GALNT9: variants seen among roughly 807,000 people sequenced by gnomAD.
The protein encoded by GALNT9 is GalNAc transferase 9.
A neutral mutation model predicts 63.1 loss-of-function variants in GALNT9; 47 were observed. The ratio of observed to expected loss-of-function variants is 0.75; its 90% CI spans 0.59 to 0.95. The LOEUF (loss-of-function observed/expected upper bound fraction) is 0.95. GALNT9 is among the 40% of genes least tolerant of loss of function. The pLI, the probability that GALNT9 is intolerant of heterozygous loss-of-function variation, is 0.00. For synonymous variants in GALNT9, 396 were observed against 365.7 expected (o/e 1.08, Z -0.94); for missense variants, 829 against 874.8 (o/e 0.95, Z 0.66).
intron 2 of GALNT9, among the ~76,000 whole-genome samples, chr12:132,268,325 A>G (rs1879734339): frequency 6.6e-6 from 1 of 152,142 alleles, no homozygotes; most frequent in South Asian, 2.1e-4. Context: ...ACACCTTGGC[A>G]AGCAACAAAC....
intron 1 of GALNT9, among the ~76,000 whole-genome samples, chr12:132,321,335 G>A (rs1263546704): frequency 2.0e-5 from 3 of 152,150 alleles, no homozygotes; most frequent in East Asian, 1.9e-4. Context: ...CTAATGAGTC[G>A]CCCGTCTCAT....
intron 1 of GALNT9, among the ~76,000 whole-genome samples, chr12:132,312,835 G>A (rs1350774402): frequency 6.6e-6 from 1 of 152,130 alleles, no homozygotes; most frequent in Non-Finnish European, 1.5e-5. Context: ...CCCCAGGGTG[G>A]ATCCCCTTCT....
chr12:132,263,628 G>A (rs75661655), intron 2 of GALNT9, among the ~76,000 whole-genome samples: 10,482 of 152,196 alleles, frequency 0.069, 1,195 homozygotes, highest in African/African-American at 0.24. Context: ...GTCTCCCCCC[G>A]TGACCGGAAC....
chr12:132,250,830 A>G (rs1024807781), intron 5 of GALNT9, among the ~76,000 whole-genome samples: 8 of 152,160 alleles, frequency 5.3e-5, no homozygotes, highest in Admixed American at 1.3e-4. Context: ...TGCCGAGGTA[A>G]GACGGCGAGG....
intron 2 of GALNT9, among the ~76,000 whole-genome samples, chr12:132,272,292 G>A (rs185043318): frequency 9.2e-5 from 14 of 152,346 alleles, no homozygotes; most frequent in Admixed American, 4.6e-4. Flanking sequence ...GGTGCGGGGC[G>A]GGACAGGGTC....
intron 1 of GALNT9, among the ~76,000 whole-genome samples, chr12:132,318,761 G>A (rs539755990): frequency 1.3e-5 from 2 of 152,326 alleles, no homozygotes; most frequent in Admixed American, 6.5e-5. Context: ...AGCTGTGGCC[G>A]GGTCCACTCA....
chr12:132,199,240 A>G lies in GALNT9; in HGVS notation c.1431T>C (p.Cys477=). Residue 477 remains cysteine (C), a synonymous_variant, in exon 9 of 11, where the codon TGT becomes TGC. Transcript: ENST00000328957. ...EVRNSKASAY[C]LDQGAEDGDR... ...CGCCGTCCTCCGCTCCCTGGTCCAG[A>G]CAGTAGGCACTGGCTTTGCTGTTTC... 6.2e-7 allele frequency: 1 copy of G among 1,605,038 alleles called. No homozygotes were observed. Among genetic ancestry groups the G allele is most frequent in the South Asian group, 1.1e-5 (1 of 91,052 alleles).
Position 132,262,468 on chromosome 12 carries a change from T to G in GALNT9, c.577A>C (p.Ser193Arg). Residue 193 changes from serine (S) to arginine (R), a missense_variant, in exon 3 of 11, where the codon AGT becomes CGT. Ser to Arg is a moderately radical substitution (Grantham distance 110). Coordinates refer to ENST00000328957, the MANE Select transcript of GALNT9 (RefSeq NM_001122636.2). ...GGCCCCGCCCACTCACCGTTGTCAC[T>G]GTTGTCGTCCACCAGGATGACCTCC... The part of the protein sequence containing the change: ...LKEVILVDDN[S>R]DNVELKFNLD... 6.5e-7 allele frequency: 1 copy of G among 1,550,244 alleles called. No individual in the cohort carries two copies. Among genetic ancestry groups the G allele is most frequent in the Non-Finnish European group, 8.7e-7 (1 of 1,146,406 alleles).
intron 6 of GALNT9, among the ~76,000 whole-genome samples, chr12:132,215,774 G>T (rs539722163): frequency 1.3e-5 from 2 of 152,270 alleles, no homozygotes; most frequent in Admixed American, 6.5e-5. Flanking sequence ...GGGCAGCCTC[G>T]CATGGCCACA....
At chr12:132,297,542 C>T (rs1881120016) in intron 1 of GALNT9, among the ~76,000 whole-genome samples, 2 of 152,042 alleles carry the variant, frequency 1.3e-5, no homozygotes, top group Admixed American at 6.5e-5. Flanking sequence ...CCAATCACTC[C>T]CGAGATAAAC....
chr12:132,243,196 C>A (rs1878512454), intron 6 of GALNT9, among the ~76,000 whole-genome samples: 3 of 136,880 alleles, frequency 2.2e-5, no homozygotes, highest in African/African-American at 6.0e-5. Context: ...CGCCACACAC[C>A]CTTCCCGGGG....
In GALNT9 at chr12:132,286,115, C is replaced by T. The variant is rs1057246041; in HGVS notation, c.419+135G>A. ...TCACTTCCCCGGCGGGCGTGGGGGG[C>T]GGTCACTTCCCTGGCGGGCGTGGGG... is the stretch of plus-strand genomic sequence containing the variant. On this transcript the variant is annotated intron_variant, in intron 2 of 10. Transcript: ENST00000328957. The surrounding 1 kb of genome is among the most constrained non-coding windows in gnomAD (Gnocchi z 7.4). The T allele has an allele frequency of 7.5e-5, 83 of 1,111,732 alleles. No homozygotes were observed. The highest frequency in any genetic ancestry group is 9.1e-5 in the East Asian group (3 of 33,020). The allele number at this position is 1,111,732 out of a possible 1,614,324, so 68.9% of individuals were successfully genotyped here.
chr12:132,289,285 T>A (rs1880721314), intron 1 of GALNT9, among the ~76,000 whole-genome samples: 1 of 152,232 alleles, frequency 6.6e-6, no homozygotes, highest in African/African-American at 2.4e-5. Flanking sequence ...CTCTTGGTTT[T>A]CATCTCATCG....
intron 6 of GALNT9, chr12:132,247,515 C>G: frequency 2.2e-6 from 1 of 446,520 alleles, no homozygotes; most frequent in Admixed American, 2.4e-5. Context: ...AGCCTAGGCT[C>G]TGGAGAGGGC....
intron 1 of GALNT9, among the ~76,000 whole-genome samples, chr12:132,294,131 T>C (rs1365346628): frequency 6.6e-6 from 1 of 152,180 alleles, no homozygotes; most frequent in Non-Finnish European, 1.5e-5. Flanking sequence ...TATGGACACA[T>C]TGGTGGGGCT....
intron 2 of GALNT9, among the ~76,000 whole-genome samples, chr12:132,270,385 AG>A (rs1879821299): frequency 6.6e-6 from 1 of 152,232 alleles, no homozygotes; most frequent in African/African-American, 2.4e-5. Context: ...AGCCCTGCCC[AG>A]GGGCAAACCA....
intron 2 of GALNT9, among the ~76,000 whole-genome samples, chr12:132,285,012 G>A (rs1352626705): frequency 5.3e-5 from 8 of 152,238 alleles, no homozygotes; most frequent in East Asian, 1.9e-4. Context: ...GCTGAGACAC[G>A]CCTTTCCTCC....
chr12:132,217,818 C>T (rs1384422934), intron 6 of GALNT9, among the ~76,000 whole-genome samples: 1 of 148,062 alleles, frequency 6.8e-6, no homozygotes, highest in African/African-American at 2.6e-5. Flanking sequence ...ATTCACCCAT[C>T]CATCCACCCA....
chr12:132,295,402 G>A (rs944216552), intron 1 of GALNT9, among the ~76,000 whole-genome samples: 8 of 151,382 alleles, frequency 5.3e-5, no homozygotes, highest in Non-Finnish European at 1.2e-4. Context: ...AGAAAAACAG[G>A]CAGAGTCCCA....
Sources: allele counts gnomAD v4.1 joint callset (sites outside exome capture counted in the v4.1 genomes callset), GRCh38; gene constraint gnomAD v4.1.1; non-coding constraint Gnocchi (gnomAD v3.1); transcripts MANE v1.5; gene names NCBI Gene and HGNC (gene_info 2026-07-23, HGNC 2026-07-21).